The following DNAH11 variants were observed in gnomAD, a reference collection of about 807,000 sequenced individuals.
DNAH11 encodes axonemal beta dynein heavy chain 11.
Under a neutral mutation model 526.0 loss-of-function variants are expected in DNAH11, and 442 were observed. The ratio of observed to expected loss-of-function variants is 0.84; its 90% CI spans 0.78 to 0.91. The LOEUF is 0.91. Ranked by LOEUF, DNAH11 falls within the 40% of genes least tolerant of loss-of-function variation. The probability of loss-of-function intolerance (pLI) is 0.00; values close to 1 mark genes in which losing one functional copy is unlikely to be tolerated. For synonymous variants in DNAH11, 2,461 were observed against 1,935.9 expected, an observed-to-expected ratio of 1.27 and a Z score of -7.12; for missense variants, 6,989 against 5,448.7, an observed-to-expected ratio of 1.28 and a Z score of -8.90.
At chr7:21,777,398 G>T (rs908040688) in intron 56 of DNAH11, among the ~76,000 whole-genome samples, 1 of 146,850 alleles carries the variant, frequency 6.8e-6, no homozygotes, top group Non-Finnish European at 1.5e-5. Context: ...CCGTGTACAG[G>T]TTTTTTTTTT....
At chr7:21,693,880 G>A (rs1014404336) in intron 35 of DNAH11, among the ~76,000 whole-genome samples, 1 of 152,130 alleles carries the variant, frequency 6.6e-6, no homozygotes, top group African/African-American at 2.4e-5. Flanking sequence ...GAGGCCTCAG[G>A]AAACTTACAC....
chr7:21,565,101 A>G (rs1202042431), intron 6 of DNAH11, among the ~76,000 whole-genome samples: 3 of 152,182 alleles, frequency 2.0e-5, no homozygotes, highest in East Asian at 3.9e-4. Flanking sequence ...GCAAAGTACT[A>G]TGGATTGGGT....
chr7:21,603,458 T>G (rs1785168997), intron 18 of DNAH11, among the ~76,000 whole-genome samples: 1 of 152,228 alleles, frequency 6.6e-6, no homozygotes, highest in African/African-American at 2.4e-5. Flanking sequence ...AGTTCTATAT[T>G]TAACTTTTTG....
Position 21,894,819 on chromosome 7 carries a change from G to A in DNAH11, c.12933+14G>A, listed in dbSNP as rs1393710990. 2 of 1,608,890 alleles carry A rather than the reference G, an allele frequency of 1.2e-6. No individual in the cohort carries two copies. The highest frequency in any genetic ancestry group is 1.7e-4 in the Middle Eastern group (1 of 6,032). On this transcript the variant is annotated intron_variant, in intron 78 of 81. Transcript: ENST00000409508. ...CTTAGTTTGAAGGTAAGCTTAAAGT[G>A]AGGCTATAGTAGACTTCAGCACATT...
chr7:21,799,292 C>T (rs992831253), intron 61 of DNAH11, among the ~76,000 whole-genome samples: 7 of 152,040 alleles, frequency 4.6e-5, no homozygotes, highest in Non-Finnish European at 2.9e-5. Context: ...ACTATAAGTA[C>T]TCTTAATAAC....
intron 54 of DNAH11, among the ~76,000 whole-genome samples, chr7:21,759,901 G>A (rs1171928840): frequency 6.6e-6 from 1 of 152,218 alleles, no homozygotes; most frequent in Non-Finnish European, 1.5e-5. Context: ...AAATTCTATG[G>A]TATGAATTCC....
At chr7:21,838,714 A>G (rs1418239576) in intron 65 of DNAH11, among the ~76,000 whole-genome samples, 2 of 149,240 alleles carry the variant, frequency 1.3e-5, no homozygotes, top group South Asian at 2.1e-4. Flanking sequence ...TGGATTTTTA[A>G]ACTATTTATT....
At chr7:21,592,185 T>A (rs767519568) in intron 14 of DNAH11, among the ~76,000 whole-genome samples, 2 of 152,082 alleles carry the variant, frequency 1.3e-5, no homozygotes, top group African/African-American at 2.4e-5. Context: ...TCAGAGGAAG[T>A]TAGCAAGAGA....
chr7:21,783,565 A>G (rs1486984244), intron 57 of DNAH11, among the ~76,000 whole-genome samples: 1 of 152,146 alleles, frequency 6.6e-6, no homozygotes, highest in Non-Finnish European at 1.5e-5. Context: ...TCAAATTTCT[A>G]CTGAGGACTA....
intron 69 of DNAH11, among the ~76,000 whole-genome samples, chr7:21,863,971 T>C (rs1028392934): frequency 1.3e-5 from 2 of 152,228 alleles, no homozygotes; most frequent in African/African-American, 4.8e-5. Flanking sequence ...CTCCAAAATA[T>C]ACTTTGGGTT....
chr7:21,798,206 G>A (rs892317660), intron 61 of DNAH11, among the ~76,000 whole-genome samples: 14 of 152,200 alleles, frequency 9.2e-5, no homozygotes, highest in African/African-American at 2.6e-4. Flanking sequence ...AGCAATTCTT[G>A]TGCCTCAGCC....
intron 5 of DNAH11, among the ~76,000 whole-genome samples, chr7:21,562,492 C>T (rs1294516953): frequency 6.6e-6 from 1 of 151,980 alleles, no homozygotes; most frequent in Non-Finnish European, 1.5e-5. Context: ...TTTTCTCTGG[C>T]TACAGATTCT....
chr7:21,705,372 A>G, intron 38 of DNAH11, 88 bp from the exon 39 acceptor site: 2 of 1,348,164 alleles, frequency 1.5e-6, no homozygotes, highest in Non-Finnish European at 1.0e-6. Context: ...CTTGGGTGTA[A>G]GGAAAGAAGA....
rs143125738 is a variant in DNAH11, at chr7:21,692,462, T to G, written c.6041+1581T>G. ...TTGTGTCTGGCTTCTTTGAGCATTG[T>G]GGTTTTGAGATTTATCCAAGTTGTT... is the stretch of plus-strand genomic sequence containing the variant. On this transcript the variant is annotated intron_variant, in intron 35 of 81. Transcript: ENST00000409508. 4.4e-3 allele frequency among the ~76,000 whole-genome samples: 669 copies of G among 152,328 alleles called. 5 individuals are homozygous for G. Among genetic ancestry groups the G allele is most frequent in the African/African-American group, 0.015 (630 of 41,570 alleles).
chr7:21,704,024 A>G (rs972545065), intron 37 of DNAH11, among the ~76,000 whole-genome samples: 3 of 152,226 alleles, frequency 2.0e-5, no homozygotes, highest in Admixed American at 1.3e-4. Context: ...AGATAGAACA[A>G]CAACAACAAA....
intron 28 of DNAH11, among the ~76,000 whole-genome samples, chr7:21,639,913 C>A (rs1787044559): frequency 6.6e-6 from 1 of 151,752 alleles, no homozygotes; most frequent in Admixed American, 6.6e-5. Context: ...TTTTTTGTGC[C>A]ATTTTCTTTA....
rs530871981 is a variant in DNAH11 at position 21,892,814 on chromosome 7, A to G, written c.12750+147A>G. The G allele has an allele frequency of 2.1e-4, 198 of 946,876 alleles. No individual in the cohort carries two copies. In the African/African-American group the frequency reaches 2.9e-3, roughly 14 times the overall value. The allele number at this position is 946,876 out of a possible 1,614,324, so 58.7% of individuals were successfully genotyped here. ...CCTAGATCAAAATAACATTTCCAACACTCCAGAAGGATACTCATGCCCCTT... is the reference window on the plus strand; with the variant it reads ...CCTAGATCAAAATAACATTTCCAACGCTCCAGAAGGATACTCATGCCCCTT... On this transcript the variant is annotated intron_variant, in intron 77 of 81. Transcript: ENST00000409508.
chr7:21,560,075 A>G (rs1433405888), intron 4 of DNAH11, among the ~76,000 whole-genome samples: 1 of 152,150 alleles, frequency 6.6e-6, no homozygotes, highest in Non-Finnish European at 1.5e-5. Flanking sequence ...TGGAAAATTT[A>G]ATTAGTCAAC....
intron 36 of DNAH11, among the ~76,000 whole-genome samples, chr7:21,700,885 CA>C (rs1185155868): frequency 1.3e-5 from 2 of 152,088 alleles, no homozygotes; most frequent in Non-Finnish European, 2.9e-5. Context: ...CACATATTCT[CA>C]CTCATAAGTA....
Sources: allele counts gnomAD v4.1 joint callset (sites outside exome capture counted in the v4.1 genomes callset), GRCh38; gene constraint gnomAD v4.1.1; transcripts MANE v1.5; gene names NCBI Gene and HGNC (gene_info 2026-07-23, HGNC 2026-07-21).